NCAM2: variants seen among roughly 807,000 people sequenced by gnomAD.
NCAM2 encodes neural cell adhesion molecule 2.
In NCAM2, 30 loss-of-function variants were observed where a neutral mutation model predicts 98.1. The ratio of observed to expected loss-of-function variants is 0.31; its 90% CI spans 0.23 to 0.41. The LOEUF (loss-of-function observed/expected upper bound fraction) is 0.41, where lower values mean the gene tolerates loss of function less well. Among genes scored for constraint, NCAM2 ranks in the 10% least tolerant of loss-of-function variants. NCAM2 has a pLI of 1.00. For missense variants in NCAM2, 867 were observed against 1,005.8 expected, an observed-to-expected ratio of 0.86 and a Z score of 1.87; for synonymous variants, 368 against 342.4, an observed-to-expected ratio of 1.07 and a Z score of -0.83.
intron 1 of NCAM2, among the ~76,000 whole-genome samples, chr21:21,050,703 G>T (rs917553871): frequency 1.3e-5 from 2 of 152,160 alleles, no homozygotes; most frequent in Admixed American, 1.3e-4. Context: ...AGTGTTAGAA[G>T]TGTTGCCTTC....
intron 1 of NCAM2, among the ~76,000 whole-genome samples, chr21:21,159,871 G>T: frequency 6.6e-6 from 1 of 151,948 alleles, no homozygotes; most frequent in Non-Finnish European, 1.5e-5. Context: ...TAAAAAAAAT[G>T]AGTATACATA....
At chr21:21,230,308 C>T (rs1001795523) in intron 1 of NCAM2, among the ~76,000 whole-genome samples, 2 of 151,096 alleles carry the variant, frequency 1.3e-5, no homozygotes, top group East Asian at 1.9e-4. Flanking sequence ...ATCATTGTCT[C>T]ACTTTTTTTT....
intron 1 of NCAM2, among the ~76,000 whole-genome samples, chr21:21,125,008 C>T (rs2066757548): frequency 6.6e-6 from 1 of 151,960 alleles, no homozygotes; most frequent in South Asian, 2.1e-4. Context: ...AAATTAAAAG[C>T]AAAGGTAATA....
chr21:21,434,425 G>A (rs1172067266), intron 12 of NCAM2, among the ~76,000 whole-genome samples: 1 of 152,090 alleles, frequency 6.6e-6, no homozygotes, highest in Non-Finnish European at 1.5e-5. Flanking sequence ...TTTGATTTGA[G>A]GAAAATGACA....
At chr21:21,253,806 G>A (rs2071560630) in intron 1 of NCAM2, among the ~76,000 whole-genome samples, 1 of 152,106 alleles carries the variant, frequency 6.6e-6, no homozygotes, top group Non-Finnish European at 1.5e-5. Flanking sequence ...AGATATCAGG[G>A]AAATCGCTTA....
intron 5 of NCAM2, among the ~76,000 whole-genome samples, chr21:21,324,173 C>T (rs1239910282): frequency 6.6e-6 from 1 of 151,816 alleles, no homozygotes; most frequent in East Asian, 1.9e-4. Context: ...TGCACATGTA[C>T]CCTAGAACTT....
intron 8 of NCAM2, among the ~76,000 whole-genome samples, chr21:21,357,715 C>A (rs2075529233): frequency 1.3e-5 from 2 of 151,734 alleles, no homozygotes; most frequent in African/African-American, 2.4e-5. Context: ...TTATTTCTAC[C>A]TTTTTACCAA....
chr21:21,126,545 T>C (rs1160625714), intron 1 of NCAM2, among the ~76,000 whole-genome samples: 1 of 152,020 alleles, frequency 6.6e-6, no homozygotes, highest in Non-Finnish European at 1.5e-5. Context: ...CCCATTTCTC[T>C]ACCTATTTGT....
At chr21:21,325,309 A>G (rs972367641) in intron 6 of NCAM2, among the ~76,000 whole-genome samples, 1 of 152,180 alleles carries the variant, frequency 6.6e-6, no homozygotes, top group Non-Finnish European at 1.5e-5. Context: ...GTCCCTACTA[A>G]GTATTAGGTT....
At chr21:21,144,944 A>G (rs1382563317) in intron 1 of NCAM2, among the ~76,000 whole-genome samples, 1 of 152,156 alleles carries the variant, frequency 6.6e-6, no homozygotes, top group Non-Finnish European at 1.5e-5. Context: ...GTGAAAAGCA[A>G]ATTAATATAG....
At chr21:21,009,807 A>C (rs1019808246) in intron 1 of NCAM2, among the ~76,000 whole-genome samples, 1 of 151,536 alleles carries the variant, frequency 6.6e-6, no homozygotes, top group African/African-American at 2.4e-5. Flanking sequence ...TTTTTAAGAG[A>C]TACTTTAATG....
chr21:21,339,993 G>A (rs2074980013), intron 8 of NCAM2, among the ~76,000 whole-genome samples: 1 of 151,618 alleles, frequency 6.6e-6, no homozygotes, highest in Non-Finnish European at 1.5e-5. Context: ...CCAGATAAAA[G>A]TTATAGTTTG....
At chr21:21,502,176 C>G (rs1214614719) in intron 15 of NCAM2, among the ~76,000 whole-genome samples, 1 of 151,836 alleles carries the variant, frequency 6.6e-6, no homozygotes, top group East Asian at 1.9e-4. Flanking sequence ...TTAGACTATA[C>G]TCATGCCTCT....
intron 14 of NCAM2, among the ~76,000 whole-genome samples, 174 bp from the exon 15 acceptor site, chr21:21,477,117 T>G (rs1985268534): frequency 6.6e-6 from 1 of 151,986 alleles, no homozygotes; most frequent in South Asian, 2.1e-4. Context: ...TATAGAAAAA[T>G]GTTGGAAATA....
At chr21:21,146,929 G>T (rs1021596327) in intron 1 of NCAM2, among the ~76,000 whole-genome samples, 9 of 151,430 alleles carry the variant, frequency 5.9e-5, no homozygotes, top group African/African-American at 9.7e-5. Flanking sequence ...AACTCATACC[G>T]CTGCCTTCTA....
chr21:21,059,931 A>T (rs2065288439), intron 1 of NCAM2, among the ~76,000 whole-genome samples: 1 of 152,084 alleles, frequency 6.6e-6, no homozygotes, highest in Non-Finnish European at 1.5e-5. Context: ...AAGGGCTGTA[A>T]TGTTGGAGCA....
chr21:21,330,261 T>A (rs2074634893), intron 6 of NCAM2, among the ~76,000 whole-genome samples: 1 of 152,128 alleles, frequency 6.6e-6, no homozygotes, highest in Non-Finnish European at 1.5e-5. Flanking sequence ...TAATCATTTA[T>A]TCTAATACAA....
At chr21:21,393,192 T>A (rs911688244) in intron 9 of NCAM2, among the ~76,000 whole-genome samples, 1 of 152,204 alleles carries the variant, frequency 6.6e-6, no homozygotes, top group Admixed American at 6.5e-5. Flanking sequence ...GCACCATTTA[T>A]TGAATAGGGA....
intron 1 of NCAM2, among the ~76,000 whole-genome samples, chr21:21,120,304 A>G (rs755238529): frequency 2.6e-5 from 4 of 152,208 alleles, no homozygotes; most frequent in Non-Finnish European, 5.9e-5. Context: ...AAGTTGAAAA[A>G]CAAGATGATT....
Sources: gnomAD v4.1 joint callset for allele counts (sites outside exome capture counted in the v4.1 genomes callset) on GRCh38, gnomAD v4.1.1 for gene constraint, MANE v1.5 for transcripts, NCBI Gene and HGNC (gene_info 2026-07-23, HGNC 2026-07-21) for gene names.